Variants in EIF3A observed in about 807,000 individuals in gnomAD.
EIF3A encodes EIF3, p180 subunit.
In EIF3A, 21 loss-of-function variants were observed where a neutral mutation model predicts 186.6. That is an observed-to-expected ratio of 0.11 (90% confidence interval 0.08 to 0.16). The LOEUF (loss-of-function observed/expected upper bound fraction) is 0.16. Ranked by LOEUF, EIF3A falls within the 10% of genes least tolerant of loss-of-function variation. The pLI, the probability that EIF3A is intolerant of heterozygous loss-of-function variation, is 1.00. For missense variants in EIF3A, 1,306 were observed against 1,796.3 expected, an observed-to-expected ratio of 0.73 and a Z score of 4.93; for synonymous variants, 563 against 584.3, an observed-to-expected ratio of 0.96 and a Z score of 0.52.
rs754701550 is a variant in EIF3A, at chr10:119,036,097, G to C, written c.4091C>G (p.Ser1364Cys). The part of the protein sequence containing the change: ...ASWRAEKDRE[S>C]LRRTKNETDE... ...AGTCTCATTTTTAGTACGACGGAGA[G>C]ATTCCCTATCTTTCTCAGCTCTCCA... is the stretch of plus-strand genomic sequence containing the variant. Residue 1364 changes from serine to cysteine, a missense_variant, in exon 22 of 22, where the codon TCT becomes TGT. Transcript: ENST00000369144. 2.5e-6 allele frequency: 4 copies of C among 1,613,786 alleles called. No individual in the cohort carries two copies. The highest frequency in any genetic ancestry group is 3.4e-6 in the Non-Finnish European group (4 of 1,179,976).
chr10:119,053,702 AGAGT>A lies in EIF3A; in HGVS notation c.2197-2385_2197-2382del, dbSNP rs1012112873. On this transcript the variant is annotated intron_variant, in intron 14 of 21. Transcript: ENST00000369144. ...GCCACTGCACTCCAGCCTGGGTGAT[AGAGT>A]GAGACCCTGTCTCTCAAAAAAGTAA... Among the ~76,000 whole-genome samples the A allele has an allele frequency of 9.2e-5, 14 of 152,310 alleles. 1 individual carries two copies. The highest frequency in any genetic ancestry group is 3.4e-4 in the African/African-American group (14 of 41,566).
chr10:119,037,079 G>T, intron 21 of EIF3A, 40 bp downstream of exon 21: 8 of 750,316 alleles, frequency 1.1e-5, no homozygotes, highest in South Asian at 9.8e-5. Context: ...CCCCAGAAAC[G>T]ACAGTTCTCC....
chr10:119,060,373 T>A (rs2119819529), intron 9 of EIF3A, among the ~76,000 whole-genome samples: 1 of 152,164 alleles, frequency 6.6e-6, no homozygotes, highest in African/African-American at 2.4e-5. Flanking sequence ...AATAGAAGTA[T>A]GCAAAGATAC....
intron 6 of EIF3A, among the ~76,000 whole-genome samples, chr10:119,066,629 G>C (rs1254628028): frequency 6.8e-6 from 1 of 147,898 alleles, no homozygotes; most frequent in Admixed American, 6.8e-5. Flanking sequence ...GGGGAGACAA[G>C]AACCAGGAGC....
chr10:119,062,853 T>G (rs1843911450), intron 7 of EIF3A, among the ~76,000 whole-genome samples: 2 of 147,520 alleles, frequency 1.4e-5, no homozygotes, highest in Non-Finnish European at 3.0e-5. Flanking sequence ...GTTCAAGCGA[T>G]TCTCCTGCCT....
At chr10:119,073,988 T>A in intron 1 of EIF3A, 51 bp from the exon 2 acceptor site, 2 of 1,413,368 alleles carry the variant, frequency 1.4e-6, no homozygotes, top group Non-Finnish European at 1.9e-6. Context: ...TACAAGAGTC[T>A]AAACTTTACC....
intron 14 of EIF3A, among the ~76,000 whole-genome samples, chr10:119,053,749 G>A (rs1848389603): frequency 6.6e-6 from 1 of 152,126 alleles, no homozygotes; most frequent in African/African-American, 2.4e-5. Context: ...TGTTGTTTAA[G>A]TGTAGCCACC....
In EIF3A at chr10:119,065,582, A is replaced by G; in HGVS notation, c.951-12T>C. 6.3e-7 allele frequency: 1 copy of G among 1,577,192 alleles called. No homozygotes were observed. Among genetic ancestry groups the G allele is most frequent in the Non-Finnish European group, 8.7e-7 (1 of 1,154,986 alleles). ...CTCTAGTAGACATTCTATGGAGAAC[A>G]AAGTTTTAAATCTGTTAGGTTTGTA... On this transcript the variant is annotated splice_polypyrimidine_tract_variant and intron_variant, in intron 6 of 21. Coordinates refer to ENST00000369144, the MANE Select transcript of EIF3A (RefSeq NM_003750.4).
intron 7 of EIF3A, among the ~76,000 whole-genome samples, chr10:119,062,865 A>C (rs1325354289): frequency 1.4e-5 from 2 of 146,106 alleles, no homozygotes; most frequent in Non-Finnish European, 3.0e-5. Flanking sequence ...CTCCTGCCTC[A>C]GCCTCCCGAT....
intron 17 of EIF3A, among the ~76,000 whole-genome samples, chr10:119,045,853 C>G (rs913889298): frequency 3.9e-5 from 6 of 152,166 alleles, no homozygotes; most frequent in African/African-American, 1.4e-4. Context: ...AGGCGTGAAC[C>G]AATGTGCCCG....
rs766927615 is a variant in EIF3A at position 119,050,528 on chromosome 10, C to T, written c.2466G>A (p.Met822Ile). ...EEEQRRAEEQ[M>I]LKEREERERA... is the part of the protein sequence containing the mutation. Reference sequence around the variant, plus strand: ...CCTGTTTGACCTGTGTACCTTTTAGCATTTGTTCTTCTGCCCTTCTCTGCT... The same window carrying T: ...CCTGTTTGACCTGTGTACCTTTTAGTATTTGTTCTTCTGCCCTTCTCTGCT... The change falls in exon 16 of 22, where the codon ATG becomes ATA. Residue 822 changes from methionine (M) to isoleucine (I), a missense_variant. Physicochemically the swap from Met to Ile is conservative, Grantham distance 10. This residue lies in a region of EIF3A where 410 missense variants were observed against 473.5 expected (regional missense o/e 0.87). Coordinates refer to ENST00000369144, the MANE Select transcript of EIF3A (RefSeq NM_003750.4). 3 of 1,613,996 alleles carry T rather than the reference C, an allele frequency of 1.9e-6. No homozygotes were observed. Among genetic ancestry groups the T allele is most frequent in the Non-Finnish European group, 2.5e-6 (3 of 1,179,948 alleles).
chr10:119,038,572 C>G (rs1318854061), intron 19 of EIF3A, 133 bp from the exon 20 acceptor site: 1 of 735,838 alleles, frequency 1.4e-6, no homozygotes, highest in African/African-American at 1.8e-5. Context: ...TAAAAAAATA[C>G]TAAAGCTGTG....
chr10:119,076,322 CAAAAAA>C (rs10712381), intron 1 of EIF3A, among the ~76,000 whole-genome samples: 1 of 114,414 alleles, frequency 8.7e-6, no homozygotes. Context: ...AACAAGTCTC[CAAAAAA>C]AAAAAAAAAA....
At chr10:119,080,250 G>A in intron 1 of EIF3A, 1 of 933,458 alleles carries the variant, frequency 1.1e-6, no homozygotes, top group Non-Finnish European at 1.3e-6. Flanking sequence ...CTCCCAGATG[G>A]CGGCCGGGGA....
intron 6 of EIF3A, among the ~76,000 whole-genome samples, chr10:119,067,913 C>A (rs1414476612): frequency 1.3e-5 from 2 of 152,076 alleles, no homozygotes. Flanking sequence ...CAGGTTCAAG[C>A]CATTCTCCGG....
At chr10:119,074,299 T>C (rs966625656) in intron 1 of EIF3A, among the ~76,000 whole-genome samples, 2 of 152,010 alleles carry the variant, frequency 1.3e-5, no homozygotes, top group East Asian at 1.9e-4. Flanking sequence ...AACCCATCCC[T>C]ACCAAAAATA....
chr10:119,040,290 A>AG (rs1256080026), intron 19 of EIF3A, among the ~76,000 whole-genome samples: 1 of 152,158 alleles, frequency 6.6e-6, no homozygotes. Flanking sequence ...AATGGAGAGG[A>AG]GGGTGGATTT....
At chr10:119,048,489 G>A (rs1848311128) in intron 17 of EIF3A, among the ~76,000 whole-genome samples, 1 of 152,094 alleles carries the variant, frequency 6.6e-6, no homozygotes, top group South Asian at 2.1e-4. Context: ...AGCATTTAGA[G>A]CTGAGTTTGA....
chr10:119,061,727 A>C (rs1589692137), intron 7 of EIF3A, among the ~76,000 whole-genome samples: 2 of 152,342 alleles, frequency 1.3e-5, no homozygotes, highest in African/African-American at 2.4e-5. Context: ...AATAGCCCCA[A>C]ACTGGGGAGA....
Sources: allele counts gnomAD v4.1 joint callset (sites outside exome capture counted in the v4.1 genomes callset), GRCh38; gene constraint gnomAD v4.1.1; regional missense constraint gnomAD v4.1.1; transcripts MANE v1.5; gene names NCBI Gene and HGNC (gene_info 2026-07-23, HGNC 2026-07-21).